The following FBXL17 variants were observed in gnomAD, a reference collection of about 807,000 sequenced individuals.
FBXL17 encodes F-box and leucine rich repeat protein 17.
In FBXL17, 22 loss-of-function variants were observed where a neutral mutation model predicts 66.2. The observed-to-expected ratio is 0.33, with a 90% CI of 0.24 to 0.47. The LOEUF (loss-of-function observed/expected upper bound fraction) is 0.47. Ranked by LOEUF, FBXL17 falls within the 20% of genes least tolerant of loss-of-function variation. FBXL17 has a pLI of 1.00. For missense variants in FBXL17, 878 were observed against 948.2 expected (o/e 0.93, Z 0.97); for synonymous variants, 474 against 400.5 (o/e 1.18, Z -2.19).
intron 6 of FBXL17, among the ~76,000 whole-genome samples, chr5:108,031,702 T>C (rs1221475160): frequency 6.6e-6 from 1 of 152,194 alleles, no homozygotes; most frequent in Non-Finnish European, 1.5e-5. Context: ...GAAAGTATCA[T>C]TGTACATGGT....
At chr5:108,343,952 A>C (rs1747074743) in intron 4 of FBXL17, among the ~76,000 whole-genome samples, 1 of 152,204 alleles carries the variant, frequency 6.6e-6, no homozygotes, top group Non-Finnish European at 1.5e-5. Context: ...AATGAAACTC[A>C]TTTGGCGCTT....
intron 6 of FBXL17, among the ~76,000 whole-genome samples, chr5:108,064,975 T>C (rs1384434704): frequency 6.6e-6 from 1 of 152,112 alleles, no homozygotes; most frequent in Non-Finnish European, 1.5e-5. Flanking sequence ...TTTATTAAGA[T>C]AGGCATTACA....
At chr5:108,014,971 T>C (rs143913818) in intron 7 of FBXL17, among the ~76,000 whole-genome samples, 3 of 152,094 alleles carry the variant, frequency 2.0e-5, no homozygotes, top group African/African-American at 7.2e-5. Flanking sequence ...CACAACAGTA[T>C]AGGGGAAACT....
intron 4 of FBXL17, among the ~76,000 whole-genome samples, chr5:108,265,896 AC>A (rs899922668): frequency 2.0e-5 from 3 of 152,186 alleles, no homozygotes; most frequent in Non-Finnish European, 2.9e-5. Context: ...CTCAGATCAC[AC>A]TTTGAATAGT....
intron 6 of FBXL17, among the ~76,000 whole-genome samples, chr5:108,157,916 ATG>A (rs1417205237): frequency 1.3e-5 from 2 of 152,092 alleles, no homozygotes; most frequent in Admixed American, 6.5e-5. Flanking sequence ...ATTTCATTTA[ATG>A]TGTCTGCTTA....
rs373272650 is a variant in FBXL17, at chr5:107,992,761, C to T, written c.1822+28164G>A. On this transcript the variant is annotated intron_variant, in intron 7 of 8. Coordinates refer to ENST00000542267, the MANE Select transcript of FBXL17 (RefSeq NM_001163315.3). ...AAACAAAAGCATTTTTTATATATCC[C>T]TACCTACTTCCCTTATTCTGTGGAT... 3.1e-4 allele frequency among the ~76,000 whole-genome samples: 47 copies of T among 152,312 alleles called. No homozygotes were observed. The South Asian group carries it at 9.5e-3, about 31-fold the overall frequency.
chr5:108,033,383 T>C (rs960913845), intron 6 of FBXL17, among the ~76,000 whole-genome samples: 2 of 152,190 alleles, frequency 1.3e-5, no homozygotes, highest in African/African-American at 4.8e-5. Flanking sequence ...AAATTTGTGA[T>C]GTGGGCACAA....
At chr5:108,129,528 C>T (rs926229712) in intron 6 of FBXL17, among the ~76,000 whole-genome samples, 6 of 151,970 alleles carry the variant, frequency 3.9e-5, no homozygotes, top group African/African-American at 7.2e-5. Context: ...GCTTCAATCA[C>T]TTTGCAGATT....
At chr5:108,048,555 C>T (rs143831123) in intron 6 of FBXL17, among the ~76,000 whole-genome samples, 2 of 152,136 alleles carry the variant, frequency 1.3e-5, no homozygotes, top group Non-Finnish European at 1.5e-5. Context: ...AGCTAAGAAC[C>T]TTGATAGAAG....
At chr5:107,922,119 C>A (rs1750345028) in intron 7 of FBXL17, among the ~76,000 whole-genome samples, 1 of 152,234 alleles carries the variant, frequency 6.6e-6, no homozygotes, top group African/African-American at 2.4e-5. Context: ...TAAGCTCAGA[C>A]AGAAATACCA....
At chr5:107,978,086 C>T (rs1752654886) in intron 7 of FBXL17, among the ~76,000 whole-genome samples, 1 of 151,534 alleles carries the variant, frequency 6.6e-6, no homozygotes, top group Admixed American at 6.6e-5. Flanking sequence ...TGCAGTGGGA[C>T]CCAGGAATTT....
chr5:107,896,922 G>A (rs1018996003), intron 7 of FBXL17, among the ~76,000 whole-genome samples: 1 of 151,832 alleles, frequency 6.6e-6, no homozygotes, highest in South Asian at 2.1e-4. Flanking sequence ...GTGGGTACAG[G>A]ATTACTTTAA....
chr5:108,285,456 T>C (rs1000120509), intron 4 of FBXL17, among the ~76,000 whole-genome samples: 1 of 151,714 alleles, frequency 6.6e-6, no homozygotes, highest in African/African-American at 2.4e-5. Flanking sequence ...ACAATAAGAG[T>C]TGAAAGTCTA....
At chr5:108,097,020 T>C (rs1580435593) in intron 6 of FBXL17, among the ~76,000 whole-genome samples, 1 of 152,170 alleles carries the variant, frequency 6.6e-6, no homozygotes, top group Non-Finnish European at 1.5e-5. Flanking sequence ...TGTGTCCCCA[T>C]CCAAATCTCA....
chr5:108,163,134 C>T (rs1367137795), intron 6 of FBXL17, among the ~76,000 whole-genome samples: 1 of 152,112 alleles, frequency 6.6e-6, no homozygotes, highest in African/African-American at 2.4e-5. Context: ...CAAGCATTTT[C>T]CTCTAACATT....
rs78754141 is a variant in FBXL17, at chr5:108,293,317, A to G, written c.1506+55082T>C. Among the ~76,000 whole-genome samples, 1,291 of 152,288 alleles carry G rather than the reference A, an allele frequency of 8.5e-3. 8 individuals are homozygous for G. Among genetic ancestry groups the G allele is most frequent in the Non-Finnish European group, 0.014 (981 of 68,010 alleles). Reference sequence around the variant, plus strand: ...TATTTTACACTAATTTTAGTGGCCTATTCACAAGAAACTACTGAAAGCTTT... The same window carrying G: ...TATTTTACACTAATTTTAGTGGCCTGTTCACAAGAAACTACTGAAAGCTTT... On this transcript the variant is annotated intron_variant, in intron 4 of 8. Transcript: ENST00000542267.
chr5:107,967,572 C>T (rs1217687600), intron 7 of FBXL17, among the ~76,000 whole-genome samples: 1 of 150,894 alleles, frequency 6.6e-6, no homozygotes, highest in Admixed American at 6.6e-5. Context: ...AGGAGATATA[C>T]CTAATGTAAA....
chr5:108,349,555 A>G (rs1285690968), intron 3 of FBXL17, among the ~76,000 whole-genome samples: 1 of 152,236 alleles, frequency 6.6e-6, no homozygotes, highest in East Asian at 1.9e-4. Flanking sequence ...ACTACAACCA[A>G]TAACATATTC....
intron 3 of FBXL17, among the ~76,000 whole-genome samples, chr5:108,349,839 AT>A (rs1747529488): frequency 1.3e-5 from 2 of 152,258 alleles, no homozygotes; most frequent in South Asian, 4.1e-4. Context: ...AGGAAAGCAG[AT>A]TTTTTAAAAG....
Sources: gnomAD v4.1 joint callset for allele counts (sites outside exome capture counted in the v4.1 genomes callset) on GRCh38, gnomAD v4.1.1 for gene constraint, MANE v1.5 for transcripts, NCBI Gene and HGNC (gene_info 2026-07-23, HGNC 2026-07-21) for gene names.